Variants in NTSR2 observed in about 807,000 individuals in gnomAD.
The protein encoded by NTSR2 is neurotensin receptor 2.
In NTSR2, 22 loss-of-function variants were observed where a neutral mutation model predicts 24.1. The ratio of observed to expected loss-of-function variants is 0.91; its 90% confidence interval spans 0.65 to 1.30. The LOEUF is 1.30. Among genes scored for constraint, NTSR2 ranks in the 50% most tolerant of loss-of-function variants. The pLI is 0.00. For synonymous variants in NTSR2, 291 were observed against 267.0 expected (o/e 1.09, Z -0.88); for missense variants, 570 against 570.4 (o/e 1.00, Z 0.01).
chr2:11,669,711 G>A lies in NTSR2; in HGVS notation c.419C>T (p.Pro140Leu). 6.5e-7 allele frequency: 1 copy of A among 1,530,720 alleles called. No individual in the cohort carries two copies. Among genetic ancestry groups the A allele is most frequent in the Non-Finnish European group, 8.7e-7 (1 of 1,143,708 alleles). 94.8% of individuals were successfully genotyped at this position (1,530,720 alleles called of 1,614,324 possible). ...CGTCAGCAGGCTGCGGGCACGCAGG[G>A]GCTGGCACACGGCTAGGCAGCGCTC... is the stretch of plus-strand genomic sequence containing the variant. ...SAERCLAVCQ[P>L]LRARSLLTPR... is the part of the protein sequence containing the mutation. Residue 140 changes from proline (P) to leucine (L), a missense_variant, in exon 1 of 4, where the codon CCC becomes CTC. Coordinates refer to ENST00000306928, the MANE Select transcript of NTSR2 (RefSeq NM_012344.4).
intron 1 of NTSR2, among the ~76,000 whole-genome samples, chr2:11,664,918 C>T (rs1173242857): frequency 7.2e-5 from 11 of 152,046 alleles, no homozygotes; most frequent in African/African-American, 1.2e-4. Flanking sequence ...CATTTTTAAA[C>T]GCACTATTTG....
chr2:11,665,669 A>T (rs952114832), intron 1 of NTSR2: 2 of 152,228 alleles, frequency 1.3e-5, no homozygotes, highest in Non-Finnish European at 2.9e-5. Context: ...ATGGGAGGTG[A>T]TGATGACCTC....
intron 1 of NTSR2, among the ~76,000 whole-genome samples, chr2:11,663,304 C>T (rs1304374779): frequency 1.3e-5 from 2 of 152,058 alleles, no homozygotes; most frequent in African/African-American, 2.4e-5. Flanking sequence ...GAAGGGAGCT[C>T]CCAGGGGGCC....
At chr2:11,669,460 G>GGGGGGGGGGGGGCGGCCCCCCCC in intron 1 of NTSR2, 46 bp downstream of exon 1, 2 of 254,726 alleles carry the variant, frequency 7.9e-6, no homozygotes, top group East Asian at 5.5e-5. Flanking sequence ...TCCCAGCACC[G>GGGGGGGGGGGGGCGGCCCCCCCC]CCCCCCCACC....
At chr2:11,660,996 G>A (rs1031627046) in intron 2 of NTSR2, among the ~76,000 whole-genome samples, 1 of 151,972 alleles carries the variant, frequency 6.6e-6, no homozygotes, top group Admixed American at 6.6e-5. Context: ...GGACTATGAC[G>A]AGTTTCCCAA....
At chr2:11,662,553 G>A (rs113128137) in intron 1 of NTSR2, among the ~76,000 whole-genome samples, 3,473 of 152,234 alleles carry the variant, frequency 0.023, 138 homozygotes, top group African/African-American at 0.077. Flanking sequence ...AGGCCGAGGC[G>A]GGCGGATCAC....
At chr2:11,668,750 C>T (rs572559812) in intron 1 of NTSR2, among the ~76,000 whole-genome samples, 2 of 152,318 alleles carry the variant, frequency 1.3e-5, no homozygotes, top group African/African-American at 4.8e-5. Context: ...GAAATGGAGA[C>T]AGACACTTCG....
chr2:11,662,336 AG>A, intron 1 of NTSR2, 96 bp from the exon 2 acceptor site: 2 of 1,204,722 alleles, frequency 1.7e-6, no homozygotes, highest in East Asian at 5.3e-5. Context: ...CATCAGCAGA[AG>A]GAGCGGCAGA....
chr2:11,669,460 G>GGGGGGGGGGGCCCCCCCCCC, intron 1 of NTSR2, 46 bp downstream of exon 1: 3 of 254,724 alleles, frequency 1.2e-5, no homozygotes, highest in South Asian at 1.6e-4. Context: ...TCCCAGCACC[G>GGGGGGGGGGGCCCCCCCCCC]CCCCCCCACC....
intron 1 of NTSR2, among the ~76,000 whole-genome samples, chr2:11,668,506 C>T (rs1477983780): frequency 6.6e-6 from 1 of 152,178 alleles, no homozygotes; most frequent in Admixed American, 6.5e-5. Context: ...TCCATGTGCC[C>T]TGATGAATTC....
chr2:11,662,821 G>A (rs956182717), intron 1 of NTSR2, among the ~76,000 whole-genome samples: 2 of 152,166 alleles, frequency 1.3e-5, no homozygotes, highest in African/African-American at 4.8e-5. Context: ...CAAAGTTGAG[G>A]AATCTGAGCT....
Position 11,669,460 on chromosome 2 carries a change from G to GGGGGGGGGGGGGGCC in NTSR2, c.624+45_624+46insGGCCCCCCCCCCCCC. 30 of 254,706 alleles carry GGGGGGGGGGGGGGCC rather than the reference G, an allele frequency of 1.2e-4. 1 individual carries two copies. Among genetic ancestry groups the GGGGGGGGGGGGGGCC allele is most frequent in the Middle Eastern group, 1.0e-3 (1 of 990 alleles). The allele number at this position is 254,706 out of a possible 1,614,324, so 15.8% of individuals were successfully genotyped here. A position where few individuals can be genotyped will look rare whatever the true frequency, so the allele number is the denominator to read the frequency against. ...GAGGGGGTTCCCTCCTCCCAGCACC[G>GGGGGGGGGGGGGGCC]CCCCCCCACCCCCCCTCCCCCGACT... is the stretch of plus-strand genomic sequence containing the variant. On this transcript the variant is annotated intron_variant, in intron 1 of 3. Coordinates refer to ENST00000306928, the MANE Select transcript of NTSR2 (RefSeq NM_012344.4).
rs759284453 is a variant in NTSR2 at position 11,669,943 on chromosome 2, C to A, written c.187G>T (p.Gly63Trp). 11 of 1,513,034 alleles carry A rather than the reference C, an allele frequency of 7.3e-6. No individual in the cohort carries two copies. In the East Asian group the frequency reaches 2.5e-4, roughly 34 times the overall value. The allele number at this position is 1,513,034 out of a possible 1,614,324, so 93.7% of individuals were successfully genotyped here. A position where few individuals can be genotyped will look rare whatever the true frequency, so the allele number is the denominator to read the frequency against. The change falls in exon 1 of 4, where the codon GGG (glycine) becomes TGG (tryptophan). Residue 63 changes from glycine (G) to tryptophan (W), a missense_variant. Transcript: ENST00000306928. ...SAHVVLKARA[G>W]RAGRLRHHVL... ...TGGTGGCGCAGGCGCCCCGCGCGCC[C>A]GGCCCGCGCCTTCAGCACCACGTGC...
At chr2:11,662,852 G>A (rs754906049) in intron 1 of NTSR2, among the ~76,000 whole-genome samples, 6 of 152,170 alleles carry the variant, frequency 3.9e-5, no homozygotes, top group East Asian at 1.9e-4. Context: ...AAGGCTGCCC[G>A]GGTGCCCAGA....
intron 1 of NTSR2, 46 bp downstream of exon 1, chr2:11,669,460 G>GGGGGGGGGGGGAGCCCC: frequency 3.9e-6 from 1 of 254,726 alleles, no homozygotes; most frequent in Non-Finnish European, 6.9e-6. Flanking sequence ...TCCCAGCACC[G>GGGGGGGGGGGGAGCCCC]CCCCCCCACC....
intron 2 of NTSR2, among the ~76,000 whole-genome samples, 186 bp from the exon 3 acceptor site, chr2:11,660,319 A>G (rs1256463289): frequency 6.6e-6 from 1 of 152,120 alleles, no homozygotes; most frequent in Non-Finnish European, 1.5e-5. Context: ...TCTCTTCTCA[A>G]ACCTCATGTG....
At chr2:11,668,484 G>A (rs1398671226) in intron 1 of NTSR2, among the ~76,000 whole-genome samples, 2 of 152,180 alleles carry the variant, frequency 1.3e-5, no homozygotes, top group Non-Finnish European at 2.9e-5. Flanking sequence ...CCCCTAAGCA[G>A]CCTCTGCACC....
intron 1 of NTSR2, among the ~76,000 whole-genome samples, chr2:11,665,044 A>G (rs959888407): frequency 7.1e-6 from 1 of 141,654 alleles, no homozygotes; most frequent in African/African-American, 2.7e-5. Flanking sequence ...ATTGCTTGGC[A>G]CTTTGGCACT....
At chr2:11,663,023 G>A (rs1661112482) in intron 1 of NTSR2, among the ~76,000 whole-genome samples, 1 of 152,206 alleles carries the variant, frequency 6.6e-6, no homozygotes, top group South Asian at 2.1e-4. Context: ...AATGGTGGAA[G>A]CTAGAAAATC....
Sources: allele counts gnomAD v4.1 joint callset (sites outside exome capture counted in the v4.1 genomes callset), GRCh38; gene constraint gnomAD v4.1.1; transcripts MANE v1.5; gene names NCBI Gene and HGNC (gene_info 2026-07-23, HGNC 2026-07-21).